The following IPO11 variants were observed in gnomAD, a reference collection of about 807,000 sequenced individuals.
The protein encoded by IPO11 is importin 11.
A neutral mutation model predicts 143.2 loss-of-function variants in IPO11; 66 were observed. The observed-to-expected ratio is 0.46, with a 90% CI of 0.38 to 0.57. The LOEUF (loss-of-function observed/expected upper bound fraction) is 0.57. Ranked by LOEUF, IPO11 falls within the 20% of genes least tolerant of loss-of-function variation. The pLI is 0.00. For synonymous variants in IPO11, 385 were observed against 377.8 expected, an observed-to-expected ratio of 1.02 and a Z score of -0.22; for missense variants, 1,026 against 1,141.0, an observed-to-expected ratio of 0.90 and a Z score of 1.45.
intron 27 of IPO11, among the ~76,000 whole-genome samples, chr5:62,584,022 A>G (rs1173185475): frequency 1.3e-5 from 2 of 152,208 alleles, no homozygotes; most frequent in African/African-American, 4.8e-5. Flanking sequence ...AATTGTAATT[A>G]AAGTTGCAGG....
At chr5:62,415,197 A>G (rs1459324400) in intron 1 of IPO11, among the ~76,000 whole-genome samples, 3 of 151,976 alleles carry the variant, frequency 2.0e-5, no homozygotes, top group Non-Finnish European at 2.9e-5. Context: ...GCGGGGTCTC[A>G]CTGTCACCTA....
At position 62,517,139 on chromosome 5, in the gene IPO11, A is replaced by C. The variant is rs559339339; in HGVS notation, c.1896+1638A>C. Among the ~76,000 whole-genome samples, 9 of 152,178 alleles carry C rather than the reference A, an allele frequency of 5.9e-5. No homozygotes were observed. In the South Asian group the frequency reaches 1.7e-3, roughly 28 times the overall value. On this transcript the variant is annotated intron_variant, in intron 20 of 29. Coordinates refer to ENST00000325324, the MANE Select transcript of IPO11 (RefSeq NM_016338.5). ...CATGAACCCAGGAGGCAGAACTTGC[A>C]GTAAGCCGAGATCGCGCCACTGCAC...
chr5:62,513,880 CGGCCG>C (rs1021504422), intron 19 of IPO11, among the ~76,000 whole-genome samples: 1 of 147,972 alleles, frequency 6.8e-6, no homozygotes, highest in Non-Finnish European at 1.5e-5. Context: ...TCAGACGGGG[CGGCCG>C]GGCAGAGACG....
At chr5:62,425,671 C>T (rs966684654) in intron 1 of IPO11, among the ~76,000 whole-genome samples, 4 of 152,036 alleles carry the variant, frequency 2.6e-5, no homozygotes, top group African/African-American at 4.8e-5. Context: ...GTACATTATC[C>T]GGTAAAGAAA....
intron 27 of IPO11, among the ~76,000 whole-genome samples, chr5:62,567,961 TTTGATTGA>T (rs568699548): frequency 6.6e-6 from 1 of 151,636 alleles, no homozygotes; most frequent in East Asian, 1.9e-4. Context: ...ATTTTTCTCT[TTTGATTGA>T]TTGATTGATT....
intron 1 of IPO11, among the ~76,000 whole-genome samples, chr5:62,427,817 G>T (rs765463984): frequency 2.6e-5 from 4 of 152,178 alleles, no homozygotes; most frequent in Non-Finnish European, 4.4e-5. Context: ...TACCAAAAAG[G>T]TTGGGGGCTG....
intron 29 of IPO11, among the ~76,000 whole-genome samples, chr5:62,620,590 G>C (rs1746319452): frequency 1.3e-5 from 2 of 151,564 alleles, no homozygotes. Context: ...GAGGCTTTCA[G>C]ATTATTGGTA....
chr5:62,470,185 T>A (rs1017988003), intron 6 of IPO11, 65 bp from the exon 7 acceptor site: 10 of 1,481,342 alleles, frequency 6.8e-6, no homozygotes, highest in Non-Finnish European at 3.8e-6. Flanking sequence ...TTCTGAATCT[T>A]TCTTGTGATT....
At chr5:62,516,522 G>A (rs911798948) in intron 20 of IPO11, among the ~76,000 whole-genome samples, 1 of 152,056 alleles carries the variant, frequency 6.6e-6, no homozygotes, top group African/African-American at 2.4e-5. Context: ...TCAAACTCCT[G>A]ACCTCAAGTG....
At chr5:62,555,084 G>A (rs968909488) in intron 26 of IPO11, among the ~76,000 whole-genome samples, 1 of 151,896 alleles carries the variant, frequency 6.6e-6, no homozygotes, top group African/African-American at 2.4e-5. Context: ...GCATTGCTTT[G>A]GCTATTTGGG....
At chr5:62,617,368 C>T (rs1746178858) in intron 29 of IPO11, among the ~76,000 whole-genome samples, 1 of 152,198 alleles carries the variant, frequency 6.6e-6, no homozygotes, top group Non-Finnish European at 1.5e-5. Context: ...TATTAATTCA[C>T]ATGTTTGGTT....
In IPO11 at chr5:62,550,230, A is replaced by G. The variant is rs867753206; in HGVS notation, c.2251-137A>G. On this transcript the variant is annotated intron_variant, in intron 24 of 29. Transcript: ENST00000325324. ...GTAAAAGTGTGTCTAGTGTCAGAAT[A>G]TTGCATACCCTGCATACGTGTATGC... is the stretch of plus-strand genomic sequence containing the variant. 89 of 571,316 alleles carry G rather than the reference A, an allele frequency of 1.6e-4. 1 individual carries two copies. The Middle Eastern group carries it at 5.5e-3, about 35-fold the overall frequency. 35.4% of individuals were successfully genotyped at this position (571,316 alleles called of 1,614,324 possible).
At chr5:62,537,180 A>T in intron 23 of IPO11, 29 bp from the exon 24 acceptor site, 2 of 1,297,328 alleles carry the variant, frequency 1.5e-6, no homozygotes, top group Non-Finnish European at 1.1e-6. Flanking sequence ...ATATATTCTT[A>T]CATATATTGA....
chr5:62,577,993 C>G (rs188043939), intron 27 of IPO11, among the ~76,000 whole-genome samples: 20 of 152,146 alleles, frequency 1.3e-4, no homozygotes, highest in Admixed American at 1.2e-3. Flanking sequence ...CAATTTATAT[C>G]CGATTCTTTA....
chr5:62,493,323 A>C (rs1307668263), intron 15 of IPO11, among the ~76,000 whole-genome samples: 1 of 152,072 alleles, frequency 6.6e-6, no homozygotes, highest in Non-Finnish European at 1.5e-5. Flanking sequence ...CTTTATTATT[A>C]TTTTTGGGGA....
chr5:62,527,294 C>T (rs954783938), intron 21 of IPO11, among the ~76,000 whole-genome samples: 12 of 152,008 alleles, frequency 7.9e-5, no homozygotes, highest in Non-Finnish European at 1.6e-4. Flanking sequence ...TAGACAGGAC[C>T]AGATATTAAA....
At chr5:62,491,997 C>A (rs2112239373) in intron 15 of IPO11, among the ~76,000 whole-genome samples, 1 of 152,118 alleles carries the variant, frequency 6.6e-6, no homozygotes, top group South Asian at 2.1e-4. Context: ...ACATATGTGG[C>A]CTGCATTATA....
intron 29 of IPO11, among the ~76,000 whole-genome samples, chr5:62,613,412 C>T (rs564745390): frequency 2.7e-4 from 40 of 149,102 alleles, no homozygotes; most frequent in African/African-American, 9.1e-4. Flanking sequence ...AAGCCATCCT[C>T]CCACCTCAGC....
At chr5:62,429,587 C>CGT (rs56185914) in intron 1 of IPO11, among the ~76,000 whole-genome samples, 17,829 of 128,384 alleles carry the variant, frequency 0.14, 1,226 homozygotes, top group African/African-American at 0.17. Flanking sequence ...GTCTGATTTT[C>CGT]GTGTGTGTGT....
Sources: allele counts gnomAD v4.1 joint callset (sites outside exome capture counted in the v4.1 genomes callset), GRCh38; gene constraint gnomAD v4.1.1; transcripts MANE v1.5; gene names NCBI Gene and HGNC (gene_info 2026-07-23, HGNC 2026-07-21).